The following NAV3 variants were observed in gnomAD, a reference collection of about 807,000 sequenced individuals.
NAV3 encodes pore membrane and/or filament interacting like protein 1.
A neutral mutation model predicts 244.7 loss-of-function variants in NAV3; 87 were observed. The observed-to-expected ratio is 0.36, with a 90% CI of 0.30 to 0.42. The LOEUF is 0.42. Ranked by LOEUF, NAV3 falls within the 20% of genes least tolerant of loss-of-function variation. The probability of loss-of-function intolerance (pLI) is 1.00; values close to 1 mark genes in which losing one functional copy is unlikely to be tolerated. For synonymous variants in NAV3, 1,126 were observed against 1,042.2 expected (o/e 1.08, Z -1.55); for missense variants, 2,663 against 2,893.3 (o/e 0.92, Z 1.83).
chr12:77,700,291 T>C (rs989031626), intron 2 of NAV3, among the ~76,000 whole-genome samples: 18 of 152,112 alleles, frequency 1.2e-4, no homozygotes, highest in African/African-American at 4.3e-4. Flanking sequence ...CACCATGTGC[T>C]GTATTCACAA....
intron 2 of NAV3, among the ~76,000 whole-genome samples, chr12:77,661,657 T>A (rs1252798710): frequency 6.6e-6 from 1 of 152,112 alleles, no homozygotes; most frequent in East Asian, 1.9e-4. Context: ...CTATTTCTTC[T>A]GGATGTTTAT....
chr12:77,948,680 G>C (rs1593084878), intron 3 of NAV3, among the ~76,000 whole-genome samples: 4 of 131,238 alleles, frequency 3.0e-5, no homozygotes, highest in Non-Finnish European at 4.8e-5. Context: ...TTTTTCAATT[G>C]CCCCCCCACC....
chr12:77,575,672 C>T (rs1176894249), intron 2 of NAV3, among the ~76,000 whole-genome samples: 3 of 152,074 alleles, frequency 2.0e-5, no homozygotes, highest in East Asian at 1.9e-4. Context: ...TGTAATTAAT[C>T]GTGACCTTGA....
At chr12:77,576,969 C>T (rs921515413) in intron 2 of NAV3, among the ~76,000 whole-genome samples, 2 of 152,110 alleles carry the variant, frequency 1.3e-5, no homozygotes, top group African/African-American at 4.8e-5. Context: ...TCCTGAAGCA[C>T]GGCTCTAGTA....
intron 1 of NAV3, among the ~76,000 whole-genome samples, chr12:77,904,696 G>A (rs1451483406): frequency 1.3e-5 from 2 of 151,938 alleles, no homozygotes; most frequent in South Asian, 2.1e-4. Flanking sequence ...GTAGGTGGTC[G>A]TGAAAACCAA....
chr12:78,049,443 C>A (rs932917868), intron 9 of NAV3, among the ~76,000 whole-genome samples: 44 of 152,324 alleles, frequency 2.9e-4, no homozygotes, highest in African/African-American at 1.0e-3. Context: ...TCCCTCATGA[C>A]TTCCCTTGGC....
intron 2 of NAV3, among the ~76,000 whole-genome samples, chr12:77,588,648 T>C (rs952354237): frequency 2.6e-5 from 4 of 152,198 alleles, no homozygotes; most frequent in Non-Finnish European, 5.9e-5. Context: ...TAGGGCCTAG[T>C]GCAGACTATC....
chr12:77,930,352 CAG>C (rs1339314129), intron 1 of NAV3, among the ~76,000 whole-genome samples: 2 of 152,000 alleles, frequency 1.3e-5, no homozygotes, highest in African/African-American at 4.8e-5. Context: ...CTTTCTTAAA[CAG>C]AGTTTGTTGT....
chr12:78,147,612 GAAA>G (rs35483763), intron 21 of NAV3, among the ~76,000 whole-genome samples: 3 of 141,606 alleles, frequency 2.1e-5, no homozygotes, highest in African/African-American at 2.6e-5. Flanking sequence ...ATCTGTTCCG[GAAA>G]AAAAAAAAAA....
chr12:77,916,776 A>G (rs894066009), intron 1 of NAV3, among the ~76,000 whole-genome samples: 5 of 152,036 alleles, frequency 3.3e-5, no homozygotes. Context: ...TCAAAATACA[A>G]TTGTTGATCT....
intron 1 of NAV3, among the ~76,000 whole-genome samples, chr12:77,891,525 C>T (rs1327045807): frequency 6.6e-6 from 1 of 151,918 alleles, no homozygotes; most frequent in African/African-American, 2.4e-5. Context: ...TTCTCAAATC[C>T]AGATTTTTTT....
intron 5 of NAV3, among the ~76,000 whole-genome samples, chr12:77,991,998 T>C (rs1222208722): frequency 3.3e-5 from 5 of 151,804 alleles, no homozygotes; most frequent in Non-Finnish European, 5.9e-5. Flanking sequence ...GCCACTGCAC[T>C]GGGTGACAGC....
intron 1 of NAV3, among the ~76,000 whole-genome samples, chr12:77,835,819 G>A (rs1331026776): frequency 6.6e-6 from 1 of 152,080 alleles, no homozygotes; most frequent in African/African-American, 2.4e-5. Flanking sequence ...CTTCATTCAG[G>A]CATTCTTGTC....
intron 23 of NAV3, among the ~76,000 whole-genome samples, chr12:78,165,207 C>T (rs1957727506): frequency 6.6e-6 from 1 of 151,980 alleles, no homozygotes; most frequent in South Asian, 2.1e-4. Context: ...AAAATGAAAT[C>T]TTAGTTTGGT....
intron 23 of NAV3, among the ~76,000 whole-genome samples, chr12:78,165,621 T>C (rs980052281): frequency 6.6e-6 from 1 of 151,834 alleles, no homozygotes; most frequent in Non-Finnish European, 1.5e-5. Flanking sequence ...ATTAGTTGCA[T>C]CTGAAGGCCA....
chr12:77,657,573 T>C (rs1289509032), intron 2 of NAV3, among the ~76,000 whole-genome samples: 2 of 151,976 alleles, frequency 1.3e-5, no homozygotes, highest in African/African-American at 4.8e-5. Flanking sequence ...TTACAATCAA[T>C]AGAAAAAGAG....
At chr12:78,150,656 CACACACACACACACAT>C (rs1214074160) in intron 22 of NAV3, among the ~76,000 whole-genome samples, 2 of 147,314 alleles carry the variant, frequency 1.4e-5, no homozygotes, top group African/African-American at 5.3e-5. Flanking sequence ...CACACACACA[CACACACACACACACAT>C]ACACACACAT....
At chr12:77,962,881 A>G (rs1892154178) in intron 3 of NAV3, among the ~76,000 whole-genome samples, 1 of 152,166 alleles carries the variant, frequency 6.6e-6, no homozygotes, top group Non-Finnish European at 1.5e-5. Flanking sequence ...ATGTATGTGC[A>G]TATTGGGTTG....
At chr12:77,598,363 G>A (rs570484897) in intron 2 of NAV3, among the ~76,000 whole-genome samples, 73 of 152,110 alleles carry the variant, frequency 4.8e-4, no homozygotes, top group Non-Finnish European at 8.4e-4. Flanking sequence ...ATTTGGTCCA[G>A]TAATGTATCA....
Sources: gnomAD v4.1 joint callset for allele counts (sites outside exome capture counted in the v4.1 genomes callset) on GRCh38, gnomAD v4.1.1 for gene constraint, MANE v1.5 for transcripts, NCBI Gene and HGNC (gene_info 2026-07-23, HGNC 2026-07-21) for gene names.